The following MSN variants were observed in gnomAD, a reference collection of about 807,000 sequenced individuals.
MSN encodes the protein epididymis luminal protein 70.
A neutral mutation model predicts 48.0 loss-of-function variants in MSN; 2 were observed. The observed-to-expected ratio is 0.04, with a 90% CI of 0.02 to 0.13. MSN has a LOEUF of 0.13. Ranked by LOEUF, MSN falls within the 10% of genes least tolerant of loss-of-function variation. The pLI is 1.00. For synonymous variants in MSN, 146 were observed against 166.9 expected, an observed-to-expected ratio of 0.87 and a Z score of 0.97; for missense variants, 267 against 470.1, an observed-to-expected ratio of 0.57 and a Z score of 3.99.
chrX:65,727,260 A>G (rs1053957608), intron 2 of MSN, among the ~76,000 whole-genome samples: 21 of 111,916 alleles, frequency 1.9e-4, no homozygotes, highest in Non-Finnish European at 2.4e-4. Flanking sequence ...GAAGGACAAT[A>G]TATGGGAGTG....
chrX:65,613,833 CTG>C (rs2070342766), intron 1 of MSN, among the ~76,000 whole-genome samples: 2 of 112,047 alleles, frequency 1.8e-5, no homozygotes, highest in African/African-American at 6.5e-5. Context: ...CCTGTTCACT[CTG>C]ATGATAGTTT....
intron 1 of MSN, among the ~76,000 whole-genome samples, chrX:65,616,967 T>A (rs2070379193): frequency 9.1e-6 from 1 of 110,433 alleles, no homozygotes; most frequent in Admixed American, 9.6e-5. Context: ...GAGATAATCA[T>A]GTGGTTTTTG....
intron 1 of MSN, among the ~76,000 whole-genome samples, chrX:65,594,333 G>A (rs1301722786): frequency 9.0e-6 from 1 of 110,866 alleles, no homozygotes; most frequent in African/African-American, 3.3e-5. Flanking sequence ...AGCATCAGAG[G>A]TGGGTTGTTA....
At chrX:65,646,974 A>G (rs183925818) in intron 1 of MSN, among the ~76,000 whole-genome samples, 2 of 111,109 alleles carry the variant, frequency 1.8e-5, no homozygotes, top group East Asian at 2.9e-4. Context: ...AAACAAAAAA[A>G]CAAACCCTAG....
chrX:65,601,482 C>T lies in MSN; in HGVS notation c.-22+12870C>T, dbSNP rs777802134. On this transcript the variant is annotated intron_variant, in intron 1 of 3. Transcript: ENST00000609672. The stretch of plus-strand genomic sequence containing the variant: ...TCCGGTTTGGGAAATCATTCTCTGA[C>T]CCAAAAGCCATTGGGCCTCTGGAAA... Among the ~76,000 whole-genome samples, 7 of 112,671 alleles carry T rather than the reference C, an allele frequency of 6.2e-5. No individual in the cohort carries two copies. The East Asian group carries it at 2.0e-3, about 32-fold the overall frequency.
chrX:65,669,943 C>T (rs762169981), intron 1 of MSN, among the ~76,000 whole-genome samples: 37 of 111,974 alleles, frequency 3.3e-4, no homozygotes, highest in African/African-American at 1.2e-3. Flanking sequence ...CTTTCTGATG[C>T]TCATCTCATT....
intron 7 of MSN, 107 bp downstream of exon 7, chrX:65,733,387 CGTGT>C: frequency 3.3e-6 from 2 of 600,608 alleles, no homozygotes; most frequent in Non-Finnish European, 5.5e-6. Flanking sequence ...TTTGTGTGTA[CGTGT>C]GTGCGCGCAT....
intron 1 of MSN, among the ~76,000 whole-genome samples, chrX:65,636,603 T>G (rs1245481824): frequency 9.3e-6 from 1 of 107,440 alleles, no homozygotes; most frequent in African/African-American, 3.4e-5. Flanking sequence ...AAAAATTAGC[T>G]GGGCATGGTG....
intron 2 of MSN, among the ~76,000 whole-genome samples, chrX:65,724,677 T>TTTTG (rs10635652): frequency 0.21 from 22,387 of 108,292 alleles, 6,429 homozygotes; most frequent in African/African-American, 0.75. Context: ...TTTGTTTTGT[T>TTTTG]TTTGTTTGTT....
In MSN at chrX:65,634,180, AG is replaced by A. The variant is rs762667115; in HGVS notation, c.-22+45574del. 1.1e-4 allele frequency among the ~76,000 whole-genome samples: 12 copies of A among 112,279 alleles called. No individual in the cohort carries two copies. The East Asian group carries it at 2.8e-3, about 26-fold the overall frequency. The stretch of plus-strand genomic sequence containing the variant: ...AGAGAGCCATTGAAACAGGCCCAGG[AG>A]GGGGGCATGTCCTTCCCTTCACCCT... On this transcript the variant is annotated intron_variant, in intron 1 of 3. Transcript: ENST00000609672.
chrX:65,727,826 A>G lies in MSN; in HGVS notation c.109A>G (p.Ile37Val). ...KQLFDQVVKTIGLREVWFFGL... is the reference protein window; with the variant it reads ...KQLFDQVVKTVGLREVWFFGL... Reference sequence around the variant, plus strand: ...TTTTCTCTTCTAGGTGGTGAAAACTATTGGCTTGAGGGAAGTTTGGTTCTT... The same window carrying G: ...TTTTCTCTTCTAGGTGGTGAAAACTGTTGGCTTGAGGGAAGTTTGGTTCTT... Residue 37 changes from isoleucine (I) to valine (V), a missense_variant, in exon 3 of 13, where the codon ATT becomes GTT. Physicochemically the swap from Ile to Val is conservative, Grantham distance 29. Transcript: ENST00000360270. 3 of 1,210,460 alleles carry G rather than the reference A, an allele frequency of 2.5e-6. No homozygotes were observed. The highest frequency in any genetic ancestry group is 2.2e-5 in the Admixed American group (1 of 46,027).
chrX:65,731,195 G>A lies in MSN; in HGVS notation c.551+5G>A. On this transcript the variant is annotated splice_donor_5th_base_variant and intron_variant, in intron 5 of 12. Transcript: ENST00000360270. ...GGAACACCGTGGCATGCTCAGGTAA[G>A]CTTGCCCAAGCAGTGGTGGGCCCCA... is the stretch of plus-strand genomic sequence containing the variant. The A allele has an allele frequency of 8.4e-7, 1 of 1,194,626 alleles. No individual in the cohort carries two copies.
intron 1 of MSN, among the ~76,000 whole-genome samples, chrX:65,630,312 A>G (rs1357474149): frequency 8.9e-6 from 1 of 111,921 alleles, no homozygotes; most frequent in East Asian, 2.8e-4. Flanking sequence ...AGTAATTCAC[A>G]CTTATAATCC....
At chrX:65,621,933 G>A (rs1390152412) in intron 1 of MSN, among the ~76,000 whole-genome samples, 1 of 111,380 alleles carries the variant, frequency 9.0e-6, no homozygotes. Flanking sequence ...GGATTCTGTT[G>A]AATAGAAATA....
At chrX:65,631,360 A>G (rs1602736858) in intron 1 of MSN, among the ~76,000 whole-genome samples, 1 of 110,479 alleles carries the variant, frequency 9.1e-6, no homozygotes, top group Non-Finnish European at 1.9e-5. Context: ...TCCCAAAGTG[A>G]TGAGATTACA....
rs187807027 is a variant in MSN, at chrX:65,702,964, T to A, written c.13-13854T>A. On this transcript the variant is annotated intron_variant, in intron 1 of 12. Transcript: ENST00000360270. The stretch of plus-strand genomic sequence containing the variant: ...TAAAATATTTAAAATAATGCTGGAA[T>A]ACATGTGTATTTAACTGTTGTGCAT... Among the ~76,000 whole-genome samples, 890 of 112,215 alleles carry A rather than the reference T, an allele frequency of 7.9e-3. 5 individuals carry two copies. The highest frequency in any genetic ancestry group is 0.013 in the Non-Finnish European group (710 of 53,242).
chrX:65,624,185 T>A (rs758276532), intron 1 of MSN, among the ~76,000 whole-genome samples: 1 of 109,848 alleles, frequency 9.1e-6, no homozygotes, highest in Non-Finnish European at 1.9e-5. Context: ...CTCAAGTGAC[T>A]TTCCTGTCTC....
At chrX:65,640,386 T>TA (rs567701203) in intron 1 of MSN, among the ~76,000 whole-genome samples, 1 of 109,465 alleles carries the variant, frequency 9.1e-6, no homozygotes, top group Admixed American at 9.8e-5. Flanking sequence ...TAAAAATAAA[T>TA]AAAAAAAAAT....
In MSN at chrX:65,642,877, G is replaced by GA. The variant is rs199573270; in HGVS notation, c.-22+54273dup. ...GAAAGTCAAGGGCAGGGGCCTCAGG[G>GA]AAAAAAAACCAATGGGATCTGCTGT... On this transcript the variant is annotated intron_variant, in intron 1 of 3. Coordinates refer to the MSN transcript ENST00000609672. Among the ~76,000 whole-genome samples the GA allele has an allele frequency of 1.2e-4, 13 of 109,697 alleles. No individual in the cohort carries two copies. In the East Asian group the frequency reaches 3.5e-3, roughly 29 times the overall value.
Sources: gnomAD v4.1 joint callset for allele counts (sites outside exome capture counted in the v4.1 genomes callset) on GRCh38, gnomAD v4.1.1 for gene constraint, MANE v1.5 for transcripts, NCBI Gene and HGNC (gene_info 2026-07-23, HGNC 2026-07-21) for gene names.